The following PTPN13 variants were observed in gnomAD, a reference collection of about 807,000 sequenced individuals.
The protein encoded by PTPN13 is tyrosine-protein phosphatase non-receptor type 13.
A neutral mutation model predicts 284.0 loss-of-function variants in PTPN13; 191 were observed. The ratio of observed to expected loss-of-function variants is 0.67; its 90% CI spans 0.60 to 0.76. PTPN13 has a LOEUF of 0.76. Among genes scored for constraint, PTPN13 ranks in the 30% least tolerant of loss-of-function variants. The pLI is 0.00. For missense variants in PTPN13, 2,797 were observed against 2,939.9 expected (o/e 0.95, Z 1.12); for synonymous variants, 986 against 1,022.3 (o/e 0.96, Z 0.68).
chr4:86,811,023 A>G, intron 46 of PTPN13, 23 bp from the exon 47 acceptor site: 1 of 1,603,340 alleles, frequency 6.2e-7, no homozygotes, highest in Non-Finnish European at 8.5e-7. Flanking sequence ...TGAATCTAAC[A>G]CATATGTGGT....
Position 86,770,097 on chromosome 4 carries a change from C to G in PTPN13, c.4705-4C>G. The G allele has an allele frequency of 6.2e-7, 1 of 1,613,308 alleles. No individual in the cohort carries two copies. Among genetic ancestry groups the G allele is most frequent in the Non-Finnish European group, 8.5e-7 (1 of 1,179,446 alleles). On this transcript the variant is annotated splice_region_variant and splice_polypyrimidine_tract_variant and intron_variant, in intron 29 of 47. Coordinates refer to ENST00000411767, the MANE Select transcript of PTPN13 (RefSeq NM_080683.3). The stretch of plus-strand genomic sequence containing the variant: ...CCTTCATTTGTCATTCATGGTACCC[C>G]CAGGAAGTCATATCTGCTCTCAGGG...
chr4:86,616,449 G>C (rs1469274434), intron 1 of PTPN13, among the ~76,000 whole-genome samples: 1 of 148,822 alleles, frequency 6.7e-6, no homozygotes, highest in East Asian at 2.0e-4. Context: ...AGTTGATATA[G>C]TTTAGATGTT....
At chr4:86,806,137 A>G (rs759878951) in intron 44 of PTPN13, among the ~76,000 whole-genome samples, 11 of 151,876 alleles carry the variant, frequency 7.2e-5, no homozygotes, top group Non-Finnish European at 1.5e-4. Flanking sequence ...AGCCTGGGCA[A>G]CAGAGTGAGA....
chr4:86,668,303 T>C (rs1727319130), intron 2 of PTPN13, among the ~76,000 whole-genome samples: 1 of 152,204 alleles, frequency 6.6e-6, no homozygotes, highest in Non-Finnish European at 1.5e-5. Context: ...TTTAAATACA[T>C]TTGCTTTAAA....
At chr4:86,743,229 A>G (rs1736353854) in intron 16 of PTPN13, among the ~76,000 whole-genome samples, 1 of 152,160 alleles carries the variant, frequency 6.6e-6, no homozygotes, top group Non-Finnish European at 1.5e-5. Context: ...TAGATATTAA[A>G]TCATCTATAC....
intron 12 of PTPN13, among the ~76,000 whole-genome samples, chr4:86,733,786 T>C (rs1289841395): frequency 6.6e-6 from 1 of 152,160 alleles, no homozygotes; most frequent in Non-Finnish European, 1.5e-5. Context: ...AGAGAGTAAA[T>C]AATAGTTAAC....
chr4:86,634,495 A>G (rs145894310), intron 1 of PTPN13, among the ~76,000 whole-genome samples: 9 of 152,322 alleles, frequency 5.9e-5, no homozygotes, highest in Admixed American at 5.9e-4. Context: ...CAAAAATTTC[A>G]GCACAGACAC....
At chr4:86,750,952 G>A (rs1198156868) in intron 18 of PTPN13, 65 bp downstream of exon 18, 23 of 1,567,906 alleles carry the variant, frequency 1.5e-5, no homozygotes, top group Non-Finnish European at 2.0e-5. Flanking sequence ...GTTTCTTTTT[G>A]TTATGACATT....
At chr4:86,714,068 CAAA>C (rs33992132) in intron 7 of PTPN13, among the ~76,000 whole-genome samples, 16 of 108,864 alleles carry the variant, frequency 1.5e-4, no homozygotes, top group African/African-American at 1.3e-4. Context: ...TCTTCAGTGT[CAAA>C]AAAAAAAAAA....
At chr4:86,718,696 C>T (rs987801335) in intron 9 of PTPN13, among the ~76,000 whole-genome samples, 3 of 152,130 alleles carry the variant, frequency 2.0e-5, no homozygotes, top group African/African-American at 7.2e-5. Flanking sequence ...AGTTATCCAC[C>T]CACCTCAGCC....
rs555390438 is a variant in PTPN13 at position 86,766,108 on chromosome 4, G to C, written c.4244-324G>C. 3.4e-4 allele frequency among the ~76,000 whole-genome samples: 50 copies of C among 146,306 alleles called. 1 individual carries two copies. Among genetic ancestry groups the C allele is most frequent in the African/African-American group, 1.2e-3 (48 of 39,578 alleles). On this transcript the variant is annotated intron_variant, in intron 26 of 47. Coordinates refer to ENST00000411767, the MANE Select transcript of PTPN13 (RefSeq NM_080683.3). ...CTCCCAAAGTGTTGGGATTACAGGC[G>C]TGAGCCTCTGAGCCCAGCCTGATAT...
chr4:86,701,062 T>G lies in PTPN13; in HGVS notation c.635-179T>G, dbSNP rs1332021736. On this transcript the variant is annotated intron_variant, in intron 6 of 47. Transcript: ENST00000411767. ...AGAGACGATGAACTATGAAAAGTTATGCAAACATAGTATCTCTTTCCTCTT... is the reference window on the plus strand; with the variant it reads ...AGAGACGATGAACTATGAAAAGTTAGGCAAACATAGTATCTCTTTCCTCTT... Among the ~76,000 whole-genome samples the G allele has an allele frequency of 2.6e-5, 4 of 152,372 alleles. No homozygotes were observed. The East Asian group carries it at 7.7e-4, about 29-fold the overall frequency.
chr4:86,735,854 C>A, intron 15 of PTPN13, 108 bp downstream of exon 15: 1 of 942,410 alleles, frequency 1.1e-6, no homozygotes, highest in Non-Finnish European at 1.5e-6. Context: ...TGATACTGTG[C>A]ATAATCTCAT....
intron 17 of PTPN13, among the ~76,000 whole-genome samples, chr4:86,749,748 C>G (rs1737176619): frequency 6.6e-6 from 1 of 152,176 alleles, no homozygotes. Context: ...TGTTAATTTA[C>G]AGATACTGAA....
chr4:86,602,819 G>T (rs1764423952), intron 1 of PTPN13, among the ~76,000 whole-genome samples: 1 of 151,652 alleles, frequency 6.6e-6, no homozygotes, highest in Non-Finnish European at 1.5e-5. Context: ...GCCCCGCAAA[G>T]CACTTGGATT....
At chr4:86,790,320 A>C (rs1199070552) in intron 40 of PTPN13, among the ~76,000 whole-genome samples, 1 of 152,208 alleles carries the variant, frequency 6.6e-6, no homozygotes, top group Non-Finnish European at 1.5e-5. Context: ...TGTAACTGAA[A>C]GGTCATATTA....
chr4:86,671,434 T>A (rs977270372), intron 2 of PTPN13, among the ~76,000 whole-genome samples: 4 of 152,176 alleles, frequency 2.6e-5, no homozygotes, highest in African/African-American at 9.7e-5. Flanking sequence ...TATAACCAAG[T>A]TCACCTAGCA....
chr4:86,628,524 T>C (rs1047413216), intron 1 of PTPN13, among the ~76,000 whole-genome samples: 12 of 146,420 alleles, frequency 8.2e-5, no homozygotes, highest in Middle Eastern at 3.2e-3. Context: ...TATTATACTC[T>C]AAGTTTTAGG....
At chr4:86,724,814 A>G (rs1159057669) in intron 10 of PTPN13, among the ~76,000 whole-genome samples, 3 of 150,412 alleles carry the variant, frequency 2.0e-5, no homozygotes, top group Non-Finnish European at 4.4e-5. Flanking sequence ...GACCACTTTC[A>G]TTCTTTTTTT....
Sources: allele counts gnomAD v4.1 joint callset (sites outside exome capture counted in the v4.1 genomes callset), GRCh38; gene constraint gnomAD v4.1.1; transcripts MANE v1.5; gene names NCBI Gene and HGNC (gene_info 2026-07-23, HGNC 2026-07-21).